Variants in HDAC9 observed in about 807,000 individuals in gnomAD.
The protein encoded by HDAC9 is MEF-2 interacting transcription repressor (MITR) protein.
A neutral mutation model predicts 139.4 loss-of-function variants in HDAC9; 41 were observed. The ratio of observed to expected loss-of-function variants is 0.29; its 90% CI spans 0.23 to 0.38. The LOEUF (loss-of-function observed/expected upper bound fraction) is 0.38, where lower values mean the gene tolerates loss of function less well. HDAC9 is among the 10% of genes least tolerant of loss of function. HDAC9 has a pLI of 1.00. For synonymous variants in HDAC9, 517 were observed against 476.2 expected, an observed-to-expected ratio of 1.09 and a Z score of -1.12; for missense variants, 1,147 against 1,297.0, an observed-to-expected ratio of 0.88 and a Z score of 1.78.
intron 17 of HDAC9, among the ~76,000 whole-genome samples, chr7:18,819,383 G>C (rs1281874831): frequency 6.6e-6 from 1 of 152,206 alleles, no homozygotes; most frequent in Non-Finnish European, 1.5e-5. Flanking sequence ...TGCCTAGGCA[G>C]AGTTTCACTA....
chr7:18,954,030 T>G (rs1302674872), intron 23 of HDAC9, 116 bp from the exon 24 acceptor site: 1 of 688,588 alleles, frequency 1.5e-6, no homozygotes, highest in African/African-American at 1.9e-5. Flanking sequence ...AAATGTTAAC[T>G]AGTTCTCGGA....
At chr7:18,440,496 TTATATTGTAATTAAATAGACTAGAAC>T (rs1791657902) in intron 1 of HDAC9, among the ~76,000 whole-genome samples, 1 of 152,114 alleles carries the variant, frequency 6.6e-6, no homozygotes, top group Admixed American at 6.6e-5. Flanking sequence ...GTTTACTTCT[TTATATTGTAATTAAATAGACTAGAAC>T]TAATGCTGTG....
chr7:18,265,839 A>G (rs1425320928), intron 2 of HDAC9, among the ~76,000 whole-genome samples: 1 of 152,178 alleles, frequency 6.6e-6, no homozygotes, highest in East Asian at 1.9e-4. Flanking sequence ...AATATGTGGA[A>G]AATTTGGCCT....
chr7:18,961,350 G>A (rs1783515729), intron 24 of HDAC9, among the ~76,000 whole-genome samples: 1 of 152,120 alleles, frequency 6.6e-6, no homozygotes, highest in Admixed American at 6.6e-5. Flanking sequence ...GGTATAATAT[G>A]GTAATTAACT....
At chr7:18,805,156 T>G (rs1234379873) in intron 17 of HDAC9, among the ~76,000 whole-genome samples, 1 of 152,144 alleles carries the variant, frequency 6.6e-6, no homozygotes, top group African/African-American at 2.4e-5. Context: ...GTCCCCTTCC[T>G]AAGCTTTGGT....
At chr7:18,903,910 A>C (rs761760924) in intron 22 of HDAC9, among the ~76,000 whole-genome samples, 2 of 152,200 alleles carry the variant, frequency 1.3e-5, no homozygotes, top group Non-Finnish European at 2.9e-5. Context: ...AATTGGAGCC[A>C]GATACCTCAT....
At chr7:18,142,515 A>T (rs564331534) in intron 1 of HDAC9, among the ~76,000 whole-genome samples, 1 of 152,348 alleles carries the variant, frequency 6.6e-6, no homozygotes, top group South Asian at 2.1e-4. Flanking sequence ...TGTTACTGGG[A>T]TGAAGTGAAC....
intron 17 of HDAC9, among the ~76,000 whole-genome samples, chr7:18,828,449 G>C (rs904353129): frequency 6.6e-6 from 1 of 152,144 alleles, no homozygotes; most frequent in Non-Finnish European, 1.5e-5. Flanking sequence ...CAACTAATCT[G>C]GAGGTTAAGG....
At chr7:18,730,742 A>G (rs570965436) in intron 13 of HDAC9, among the ~76,000 whole-genome samples, 1 of 152,328 alleles carries the variant, frequency 6.6e-6, no homozygotes, top group East Asian at 1.9e-4. Context: ...TCTTCATCAC[A>G]ACTTCAGGGA....
intron 15 of HDAC9, among the ~76,000 whole-genome samples, chr7:18,763,745 C>G (rs967301602): frequency 2.6e-5 from 4 of 152,002 alleles, no homozygotes; most frequent in Admixed American, 6.6e-5. Context: ...AATACTCAAG[C>G]ATTTAAACAT....
chr7:18,351,066 C>T (rs1186976552), intron 1 of HDAC9, among the ~76,000 whole-genome samples: 2 of 152,130 alleles, frequency 1.3e-5, no homozygotes, highest in Admixed American at 1.3e-4. Flanking sequence ...CTCTTAACTC[C>T]TTTTTTTCCT....
chr7:18,550,294 C>T (rs930054141), intron 2 of HDAC9, among the ~76,000 whole-genome samples: 2 of 152,152 alleles, frequency 1.3e-5, no homozygotes, highest in African/African-American at 4.8e-5. Flanking sequence ...TATATTCGAT[C>T]CCATTTTTTT....
intron 1 of HDAC9, among the ~76,000 whole-genome samples, chr7:18,480,318 T>C (rs1018907341): frequency 6.6e-6 from 1 of 152,118 alleles, no homozygotes; most frequent in Non-Finnish European, 1.5e-5. Flanking sequence ...CAAGATTGAG[T>C]CCGAATCTAT....
At chr7:18,665,312 C>T (rs972060533) in intron 11 of HDAC9, among the ~76,000 whole-genome samples, 6 of 152,122 alleles carry the variant, frequency 3.9e-5, no homozygotes, top group Non-Finnish European at 7.4e-5. Flanking sequence ...ATTTGGTCCA[C>T]AGGGCCACTG....
intron 13 of HDAC9, among the ~76,000 whole-genome samples, chr7:18,738,375 C>A (rs577393537): frequency 1.3e-5 from 2 of 152,244 alleles, no homozygotes; most frequent in Non-Finnish European, 1.5e-5. Flanking sequence ...TACAATTTGG[C>A]ATGTTTTTGC....
chr7:18,774,039 T>C (rs1443340578), intron 16 of HDAC9, among the ~76,000 whole-genome samples: 11 of 152,032 alleles, frequency 7.2e-5, no homozygotes, highest in Admixed American at 2.6e-4. Context: ...CACTGAATGC[T>C]TGAGCCATAA....
chr7:18,598,193 C>G (rs1007331055), intron 6 of HDAC9, among the ~76,000 whole-genome samples: 16 of 152,238 alleles, frequency 1.1e-4, no homozygotes, highest in Middle Eastern at 3.4e-3. Context: ...GAATTGCATA[C>G]ATGAACATTA....
At chr7:18,452,243 G>C (rs1258854956) in intron 1 of HDAC9, among the ~76,000 whole-genome samples, 1 of 152,132 alleles carries the variant, frequency 6.6e-6, no homozygotes, top group East Asian at 1.9e-4. Flanking sequence ...TCAAGACCAG[G>C]AACAACCAAA....
intron 1 of HDAC9, among the ~76,000 whole-genome samples, chr7:18,469,218 T>A (rs1404217997): frequency 6.6e-6 from 1 of 152,218 alleles, no homozygotes; most frequent in African/African-American, 2.4e-5. Flanking sequence ...TGTGATTTTT[T>A]AAAACTTTTG....
Sources: gnomAD v4.1 joint callset for allele counts (sites outside exome capture counted in the v4.1 genomes callset) on GRCh38, gnomAD v4.1.1 for gene constraint, MANE v1.5 for transcripts, NCBI Gene and HGNC (gene_info 2026-07-23, HGNC 2026-07-21) for gene names.